The following AUTS2 variants were observed in gnomAD, a reference collection of about 807,000 sequenced individuals.
AUTS2 encodes the protein activator of transcription and developmental regulator AUTS2.
A neutral mutation model predicts 112.4 loss-of-function variants in AUTS2; 17 were observed. The ratio of observed to expected loss-of-function variants is 0.15; its 90% confidence interval spans 0.10 to 0.23. The LOEUF is 0.23. Ranked by LOEUF, AUTS2 falls within the 10% of genes least tolerant of loss-of-function variation. The pLI is 1.00. For missense variants in AUTS2, 1,510 were observed against 1,701.6 expected (o/e 0.89, Z 1.98); for synonymous variants, 751 against 702.7 (o/e 1.07, Z -1.09).
At chr7:70,024,251 A>G (rs1800412330) in intron 2 of AUTS2, among the ~76,000 whole-genome samples, 1 of 152,238 alleles carries the variant, frequency 6.6e-6, no homozygotes, top group Non-Finnish European at 1.5e-5. Flanking sequence ...TTATGTCCTA[A>G]TGCAATTTTG....
intron 2 of AUTS2, among the ~76,000 whole-genome samples, chr7:69,985,236 A>T (rs970266910): frequency 4.0e-5 from 6 of 151,348 alleles, no homozygotes; most frequent in Non-Finnish European, 1.5e-5. Flanking sequence ...CTAAAAAAAA[A>T]AAAAAAAAAA....
At chr7:70,310,279 A>T (rs535369444) in intron 4 of AUTS2, among the ~76,000 whole-genome samples, 2 of 152,180 alleles carry the variant, frequency 1.3e-5, no homozygotes, top group East Asian at 3.9e-4. Flanking sequence ...AGAGGAATTC[A>T]ATCTCCTATG....
At chr7:70,401,284 C>G (rs1011304791) in intron 4 of AUTS2, among the ~76,000 whole-genome samples, 6 of 152,146 alleles carry the variant, frequency 3.9e-5, no homozygotes, top group African/African-American at 1.4e-4. Context: ...TGCAAGTTCC[C>G]TGAGATGTGT....
intron 2 of AUTS2, 126 bp from the exon 3 acceptor site, chr7:70,118,006 C>T (rs975978734): frequency 2.6e-5 from 31 of 1,211,034 alleles, no homozygotes; most frequent in African/African-American, 8.0e-5. Flanking sequence ...CCTCTGCCTC[C>T]GAAAGTGCTG....
At chr7:70,170,701 G>A (rs762839659) in intron 4 of AUTS2, among the ~76,000 whole-genome samples, 3 of 149,116 alleles carry the variant, frequency 2.0e-5, no homozygotes, top group African/African-American at 7.4e-5. Context: ...TCCACCTCCC[G>A]GGTTCAAGCG....
intron 14 of AUTS2, among the ~76,000 whole-genome samples, chr7:70,778,504 A>T (rs917082441): frequency 1.3e-5 from 2 of 151,882 alleles, no homozygotes; most frequent in African/African-American, 4.8e-5. Context: ...CTAGAGGCTG[A>T]GGCAGGAGAA....
chr7:70,521,623 C>T (rs1159642428), intron 5 of AUTS2, among the ~76,000 whole-genome samples: 1 of 152,204 alleles, frequency 6.6e-6, no homozygotes, highest in Non-Finnish European at 1.5e-5. Context: ...CACTTTACTA[C>T]TGAAGTAAAT....
At chr7:70,507,810 TAAAG>T (rs1711889223) in intron 5 of AUTS2, among the ~76,000 whole-genome samples, 1 of 151,698 alleles carries the variant, frequency 6.6e-6, no homozygotes. Flanking sequence ...AAAATAAAAA[TAAAG>T]AAAAAGTAAC....
chr7:70,470,337 C>G (rs1797331786), intron 5 of AUTS2, among the ~76,000 whole-genome samples: 1 of 152,136 alleles, frequency 6.6e-6, no homozygotes, highest in Non-Finnish European at 1.5e-5. Flanking sequence ...GTTCACCCCA[C>G]TGTGAAAACT....
chr7:70,238,769 T>G (rs1812455532), intron 4 of AUTS2, among the ~76,000 whole-genome samples: 1 of 152,120 alleles, frequency 6.6e-6, no homozygotes, highest in Non-Finnish European at 1.5e-5. Flanking sequence ...ATCCCCCACC[T>G]TATTTATATT....
chr7:70,779,970 G>A (rs951428035), intron 14 of AUTS2, among the ~76,000 whole-genome samples: 2 of 151,658 alleles, frequency 1.3e-5, no homozygotes, highest in Admixed American at 1.3e-4. Context: ...AACTATGATT[G>A]TGCCACTGCA....
At chr7:69,998,148 G>C (rs1799029474) in intron 2 of AUTS2, among the ~76,000 whole-genome samples, 1 of 152,140 alleles carries the variant, frequency 6.6e-6, no homozygotes, top group Non-Finnish European at 1.5e-5. Flanking sequence ...GCAGAGGAGT[G>C]ATTTGATTAT....
In AUTS2 at chr7:70,348,068, G is replaced by A. The variant is rs188732882; in HGVS notation, c.661-87684G>A. On this transcript the variant is annotated intron_variant, in intron 4 of 18. Coordinates refer to ENST00000342771, the MANE Select transcript of AUTS2 (RefSeq NM_015570.4). ...AGTGGTTTAAGGGTCAGAGGGAAGG[G>A]AAATGAAAGCCTTGGAGGATTTCAG... Among the ~76,000 whole-genome samples, 7 of 152,286 alleles carry A rather than the reference G, an allele frequency of 4.6e-5. No homozygotes were observed. In the South Asian group the frequency reaches 1.4e-3, roughly 32 times the overall value.
At chr7:70,546,550 G>A (rs1800790733) in intron 5 of AUTS2, among the ~76,000 whole-genome samples, 1 of 152,146 alleles carries the variant, frequency 6.6e-6, no homozygotes, top group African/African-American at 2.4e-5. Context: ...AGGCCAAGAT[G>A]GGCGGATCAC....
At chr7:70,475,370 C>G (rs886677508) in intron 5 of AUTS2, among the ~76,000 whole-genome samples, 3 of 152,200 alleles carry the variant, frequency 2.0e-5, no homozygotes, top group African/African-American at 7.2e-5. Flanking sequence ...CTTTCTCTTT[C>G]CATTACATCA....
At chr7:70,095,949 G>A (rs1804173695) in intron 2 of AUTS2, among the ~76,000 whole-genome samples, 1 of 152,160 alleles carries the variant, frequency 6.6e-6, no homozygotes, top group Non-Finnish European at 1.5e-5. Context: ...TTCAAGAAGA[G>A]CATTCTGTTA....
chr7:70,222,654 G>A (rs1457142798), intron 4 of AUTS2, among the ~76,000 whole-genome samples: 1 of 150,794 alleles, frequency 6.6e-6, no homozygotes, highest in Non-Finnish European at 1.5e-5. Flanking sequence ...AAGACTTTAA[G>A]TTCTCTGCAA....
intron 4 of AUTS2, among the ~76,000 whole-genome samples, chr7:70,185,141 G>A (rs1809530034): frequency 6.6e-6 from 1 of 151,800 alleles, no homozygotes; most frequent in Non-Finnish European, 1.5e-5. Flanking sequence ...ATATTCACTA[G>A]AGCACTGTGG....
intron 2 of AUTS2, among the ~76,000 whole-genome samples, chr7:70,068,205 G>A (rs1383410414): frequency 2.0e-5 from 3 of 148,738 alleles, no homozygotes; most frequent in Non-Finnish European, 4.5e-5. Context: ...GAGAGATGGA[G>A]TCTTGCTTGT....
Sources: gnomAD v4.1 joint callset for allele counts (sites outside exome capture counted in the v4.1 genomes callset) on GRCh38, gnomAD v4.1.1 for gene constraint, MANE v1.5 for transcripts, NCBI Gene and HGNC (gene_info 2026-07-23, HGNC 2026-07-21) for gene names.